Variants in BNIP3 observed in about 807,000 individuals in gnomAD.
BNIP3 encodes the protein BCL2/adenovirus E1B 19 kDa protein-interacting protein 3.
Under a neutral mutation model 23.9 loss-of-function variants are expected in BNIP3, and 16 were observed. The observed-to-expected ratio is 0.67, with a 90% confidence interval of 0.45 to 1.01. BNIP3 has a LOEUF of 1.01. Ranked by LOEUF, BNIP3 falls within the 50% of genes least tolerant of loss-of-function variation. BNIP3 has a pLI of 0.00. For missense variants in BNIP3, 198 were observed against 248.7 expected, an observed-to-expected ratio of 0.80 and a Z score of 1.37; for synonymous variants, 81 against 89.3, an observed-to-expected ratio of 0.91 and a Z score of 0.53.
chr10:131,972,436 A>T (rs1202773154), intron 3 of BNIP3, among the ~76,000 whole-genome samples: 1 of 152,230 alleles, frequency 6.6e-6, no homozygotes, highest in East Asian at 1.9e-4. Context: ...TATCAGGCTG[A>T]TCAGCCGCTA....
intron 5 of BNIP3, chr10:131,968,999 A>T (rs1342204832): frequency 1.9e-5 from 3 of 159,908 alleles, no homozygotes; most frequent in African/African-American, 7.2e-5. Flanking sequence ...GTCCCAAACT[A>T]AAGATGCAGG....
intron 5 of BNIP3, 92 bp from the exon 6 acceptor site, chr10:131,968,661 C>G (rs1564833857): frequency 4.4e-6 from 5 of 1,145,152 alleles, no homozygotes; most frequent in Non-Finnish European, 6.5e-6. Context: ...GTGGTTAGAG[C>G]TTATGCAAGG....
In BNIP3 at chr10:131,976,562, C is replaced by T. The variant is rs45601931; in HGVS notation, c.47-2619G>A. ...TTACCAGAAACAATTCCAGGGCAGA[C>T]AAATGGAAATGACATACAGCCCAGA... On this transcript the variant is annotated intron_variant, in intron 1 of 5. Transcript: ENST00000368636. The surrounding 1 kb of genome is among the most constrained non-coding windows in gnomAD (Gnocchi z 4.3). Among the ~76,000 whole-genome samples the T allele has an allele frequency of 9.0e-3, 1,375 of 152,256 alleles. 19 individuals are homozygous for T. Among genetic ancestry groups the T allele is most frequent in the African/African-American group, 0.03 (1,228 of 41,550 alleles).
At chr10:131,975,189 G>A (rs1204994567) in intron 1 of BNIP3, among the ~76,000 whole-genome samples, 1 of 152,200 alleles carries the variant, frequency 6.6e-6, no homozygotes, top group African/African-American at 2.4e-5. Flanking sequence ...ATGTGAGACG[G>A]ATGCCCCATT....
chr10:131,981,676 G>C, intron 1 of BNIP3, 85 bp downstream of exon 1: 1 of 1,389,540 alleles, frequency 7.2e-7, no homozygotes, highest in Non-Finnish European at 9.4e-7. Context: ...GGCCTCCCCG[G>C]CAACCTCCCC....
chr10:131,981,387 C>CTACA (rs1337395482), intron 1 of BNIP3: 3 of 319,682 alleles, frequency 9.4e-6, no homozygotes, highest in Non-Finnish European at 1.7e-5. Flanking sequence ...CTGGTCTGAA[C>CTACA]TACAGACCGC....
At chr10:131,973,661 G>T in intron 2 of BNIP3, 132 bp downstream of exon 2, 1 of 1,257,004 alleles carries the variant, frequency 8.0e-7, no homozygotes, top group Non-Finnish European at 1.1e-6. Context: ...TGCAGCAGGA[G>T]CCAGTCCAGA....
At position 131,981,703 on chromosome 10, in the gene BNIP3, C is replaced by T. The variant is rs952504026; in HGVS notation, c.46+58G>A. ...AACCTCCCCTTGGCGCCCTCTTGGC[C>T]TTCCCCAGGCTTCCCCCCCGCGCCC... On this transcript the variant is annotated intron_variant, in intron 1 of 5. Transcript: ENST00000368636. 6.5e-5 allele frequency: 95 copies of T among 1,450,604 alleles called. No individual in the cohort carries two copies. In the African/African-American group the frequency reaches 1.3e-3, roughly 19 times the overall value. The allele number at this position is 1,450,604 out of a possible 1,614,324, so 89.9% of individuals were successfully genotyped here.
chr10:131,981,840 G>C lies in BNIP3; in HGVS notation c.-34C>G. On this transcript the variant is annotated 5_prime_UTR_variant, in exon 1 of 6. Transcript: ENST00000368636. ...AGGGCAACTGCGGCGATCGGAGTCC[G>C]CGCCGGGCTGCGGGATGTGCTTCAG... The C allele has an allele frequency of 3.5e-6, 5 of 1,426,014 alleles. No homozygotes were observed. The highest frequency in any genetic ancestry group is 4.6e-6 in the Non-Finnish European group (5 of 1,096,162). 88.3% of individuals were successfully genotyped at this position (1,426,014 alleles called of 1,614,324 possible).
chr10:131,972,673 C>G (rs2037045385), intron 3 of BNIP3, among the ~76,000 whole-genome samples: 3 of 152,216 alleles, frequency 2.0e-5, no homozygotes, highest in Non-Finnish European at 4.4e-5. Flanking sequence ...AAAGACCAGC[C>G]AGTAGCTGGC....
intron 3 of BNIP3, among the ~76,000 whole-genome samples, chr10:131,972,074 G>A (rs1407742826): frequency 6.6e-6 from 1 of 151,910 alleles, no homozygotes; most frequent in African/African-American, 2.4e-5. Context: ...GTAAGGCACT[G>A]CCAGATATAA....
At position 131,981,797 on chromosome 10, in the gene BNIP3, T is replaced by C; in HGVS notation, c.10A>G (p.Asn4Asp). The stretch of plus-strand genomic sequence containing the variant: ...TCCTCCTGCATCCCGGGCGCTCCGT[T>C]CTGCGACATGGCGCCAGAGGGCAAC... The part of the protein sequence containing the change: MSQ[N>D]GAPGMQEESL... Residue 4 changes from asparagine (N) to aspartate (D), a missense_variant, in exon 1 of 6, where the codon AAC becomes GAC. Coordinates refer to ENST00000368636, the MANE Select transcript of BNIP3 (RefSeq NM_004052.4). The C allele has an allele frequency of 1.3e-6, 2 of 1,483,702 alleles. No individual in the cohort carries two copies. The highest frequency in any genetic ancestry group is 1.8e-6 in the Non-Finnish European group (2 of 1,123,020). 91.9% of individuals were successfully genotyped at this position (1,483,702 alleles called of 1,614,324 possible). A position where few individuals can be genotyped will look rare whatever the true frequency, so the allele number is the denominator to read the frequency against.
At chr10:131,980,244 C>G (rs1393397056) in intron 1 of BNIP3, 1 of 152,210 alleles carries the variant, frequency 6.6e-6, no homozygotes, top group African/African-American at 2.4e-5. Context: ...CAGATCCCAG[C>G]CGGACAGTGA....
chr10:131,971,173 T>TC lies in BNIP3; in HGVS notation c.283-204dup, dbSNP rs1178935908. 1.4e-5 allele frequency: 8 copies of TC among 579,238 alleles called. No homozygotes were observed. The East Asian group carries it at 1.5e-4, about 11-fold the overall frequency. 35.9% of individuals were successfully genotyped at this position (579,238 alleles called of 1,614,324 possible). A position where few individuals can be genotyped will look rare whatever the true frequency, so the allele number is the denominator to read the frequency against. ...GCCGCACTCCCGGCTCACAGCACGCTCGCCGCCTCCAGGGACAGATCACCT... is the reference window on the plus strand; with the variant it reads ...GCCGCACTCCCGGCTCACAGCACGCTCCGCCGCCTCCAGGGACAGATCACCT... On this transcript the variant is annotated intron_variant, in intron 3 of 5. Transcript: ENST00000368636.
At chr10:131,980,877 C>T (rs1235531586) in intron 1 of BNIP3, 7 of 152,228 alleles carry the variant, frequency 4.6e-5, no homozygotes, top group Admixed American at 1.3e-4. Flanking sequence ...TCCTCCGAGG[C>T]TTTGGCCCTA....
chr10:131,973,974 G>T, intron 1 of BNIP3, 31 bp from the exon 2 acceptor site: 3 of 1,612,486 alleles, frequency 1.9e-6, no homozygotes, highest in Non-Finnish European at 2.5e-6. Context: ...GGCGCAGATG[G>T]AATTCTCTAC....
Position 131,981,858 on chromosome 10 carries a change from T to G in BNIP3, c.-52A>C. The G allele has an allele frequency of 1.4e-6, 2 of 1,398,692 alleles. No homozygotes were observed. Among genetic ancestry groups the G allele is most frequent in the Non-Finnish European group, 1.9e-6 (2 of 1,080,788 alleles). The allele number at this position is 1,398,692 out of a possible 1,614,324, so 86.6% of individuals were successfully genotyped here. A position where few individuals can be genotyped will look rare whatever the true frequency, so the allele number is the denominator to read the frequency against. ...GGAGTCCGCGCCGGGCTGCGGGATGTGCTTCAGCTGCGGGCGGTGGGAAAG... is the reference window on the plus strand; with the variant it reads ...GGAGTCCGCGCCGGGCTGCGGGATGGGCTTCAGCTGCGGGCGGTGGGAAAG... On this transcript the variant is annotated 5_prime_UTR_variant, in exon 1 of 6. Transcript: ENST00000368636.
At position 131,970,556 on chromosome 10, in the gene BNIP3, A is replaced by G; in HGVS notation, c.539+82T>C. The G allele has an allele frequency of 2.6e-6, 4 of 1,517,064 alleles. No homozygotes were observed. Among genetic ancestry groups the G allele is most frequent in the Non-Finnish European group, 3.6e-6 (4 of 1,121,202 alleles). The allele number at this position is 1,517,064 out of a possible 1,614,324, so 94.0% of individuals were successfully genotyped here. ...TGTAACTGATGATCTGGACTTCAGGAAACAGGTTACGAATAAATCACTGCA... is the reference window on the plus strand; with the variant it reads ...TGTAACTGATGATCTGGACTTCAGGGAACAGGTTACGAATAAATCACTGCA... On this transcript the variant is annotated intron_variant, in intron 5 of 5. Transcript: ENST00000368636. This position sits in a 1 kb window ranked among gnomAD's most constrained non-coding sequence, Gnocchi z 4.1.
At chr10:131,980,288 A>G (rs946963430) in intron 1 of BNIP3, 1 of 152,240 alleles carries the variant, frequency 6.6e-6, no homozygotes, top group African/African-American at 2.4e-5. Context: ...CGGCTTCACA[A>G]CCGGAAAATG....
Sources: allele counts gnomAD v4.1 joint callset (sites outside exome capture counted in the v4.1 genomes callset), GRCh38; gene constraint gnomAD v4.1.1; non-coding constraint Gnocchi (gnomAD v3.1); transcripts MANE v1.5; gene names NCBI Gene and HGNC (gene_info 2026-07-23, HGNC 2026-07-21).